PPP3CA: variants seen among roughly 807,000 people sequenced by gnomAD.
PPP3CA encodes protein phosphatase 3 catalytic subunit alpha, also known as CAM-PRP catalytic subunit.
In PPP3CA, 14 loss-of-function variants were observed where a neutral mutation model predicts 66.5. That is an observed-to-expected ratio of 0.21 (90% confidence interval 0.14 to 0.33). The LOEUF (loss-of-function observed/expected upper bound fraction) is 0.33, where lower values mean the gene tolerates loss of function less well. Among genes scored for constraint, PPP3CA ranks in the 10% least tolerant of loss-of-function variants. The pLI, the probability that PPP3CA is intolerant of heterozygous loss-of-function variation, is 1.00. For missense variants in PPP3CA, 317 were observed against 639.5 expected (o/e 0.50, Z 5.44); for synonymous variants, 232 against 226.2 (o/e 1.03, Z -0.23).
At chr4:101,129,760 C>T (rs1722367692) in intron 2 of PPP3CA, among the ~76,000 whole-genome samples, 1 of 152,080 alleles carries the variant, frequency 6.6e-6, no homozygotes, top group African/African-American at 2.4e-5. Flanking sequence ...CATCAAAGAC[C>T]AAAGGTAGAT....
At chr4:101,285,603 G>A (rs915262824) in intron 1 of PPP3CA, among the ~76,000 whole-genome samples, 3 of 47,606 alleles carry the variant, frequency 6.3e-5, no homozygotes, top group Admixed American at 2.7e-4. Flanking sequence ...GTGTGTATGT[G>A]TGTGTGTGTG....
At chr4:101,335,858 G>C (rs1190936524) in intron 1 of PPP3CA, among the ~76,000 whole-genome samples, 1 of 152,108 alleles carries the variant, frequency 6.6e-6, no homozygotes, top group African/African-American at 2.4e-5. Context: ...CCATTTTCAA[G>C]GGACTCCAAT....
intron 1 of PPP3CA, among the ~76,000 whole-genome samples, chr4:101,211,181 T>C (rs771342918): frequency 1.3e-5 from 2 of 151,656 alleles, no homozygotes; most frequent in Admixed American, 6.6e-5. Context: ...AGGGCTCACA[T>C]CAGGCCCCTG....
At chr4:101,293,835 A>G (rs1316743546) in intron 1 of PPP3CA, among the ~76,000 whole-genome samples, 1 of 152,158 alleles carries the variant, frequency 6.6e-6, no homozygotes, top group Non-Finnish European at 1.5e-5. Context: ...AGACTCCTAC[A>G]GCTTTGCTTT....
chr4:101,157,702 T>A (rs1723368003), intron 2 of PPP3CA, among the ~76,000 whole-genome samples: 1 of 152,140 alleles, frequency 6.6e-6, no homozygotes, highest in Admixed American at 6.5e-5. Context: ...TTGAAACCCA[T>A]CAAGAGAATG....
At chr4:101,032,808 GA>G (rs1414414738) in intron 11 of PPP3CA, among the ~76,000 whole-genome samples, 1 of 151,862 alleles carries the variant, frequency 6.6e-6, no homozygotes, top group East Asian at 1.9e-4. Context: ...TATGGAGATT[GA>G]AAAAAAATCT....
At chr4:101,278,149 T>TAAAAAAAAAAAAAAA (rs1200528599) in intron 1 of PPP3CA, among the ~76,000 whole-genome samples, 23 of 119,542 alleles carry the variant, frequency 1.9e-4, no homozygotes, top group African/African-American at 7.3e-4. Context: ...ATAAAAAAAT[T>TAAAAAAAAAAAAAAA]AAAAAGTTAT....
chr4:101,278,122 TAAAA>T (rs3077992), intron 1 of PPP3CA, among the ~76,000 whole-genome samples: 4 of 112,172 alleles, frequency 3.6e-5, no homozygotes, highest in African/African-American at 4.4e-5. Context: ...AAGCTATTAG[TAAAA>T]AAAAAAAAAA....
At chr4:101,340,936 G>A (rs1032922189) in intron 1 of PPP3CA, among the ~76,000 whole-genome samples, 10 of 152,134 alleles carry the variant, frequency 6.6e-5, no homozygotes, top group African/African-American at 2.4e-4. Flanking sequence ...TCTTTTGCAG[G>A]AGAGTATACT....
At chr4:101,108,868 T>C in intron 3 of PPP3CA, 86 bp downstream of exon 3, 1 of 1,321,884 alleles carries the variant, frequency 7.6e-7, no homozygotes, top group Non-Finnish European at 1.1e-6. Context: ...GAGGTTTCCA[T>C]AAGGCAATAA....
intron 13 of PPP3CA, among the ~76,000 whole-genome samples, chr4:101,027,914 A>G (rs762646393): frequency 4.6e-5 from 7 of 152,196 alleles, no homozygotes; most frequent in Non-Finnish European, 8.8e-5. Context: ...TTACATTGGT[A>G]GTATACTTAA....
intron 1 of PPP3CA, among the ~76,000 whole-genome samples, chr4:101,288,442 C>T (rs182390922): frequency 4.9e-4 from 74 of 151,888 alleles, no homozygotes; most frequent in Admixed American, 1.9e-3. Flanking sequence ...TAATTAATTA[C>T]TCTCAAGTTA....
chr4:101,209,720 T>C (rs1725243012), intron 1 of PPP3CA, among the ~76,000 whole-genome samples: 5 of 152,158 alleles, frequency 3.3e-5, no homozygotes. Context: ...AGGTCTACCA[T>C]CACTTTTGTA....
rs774503546 is a variant in PPP3CA, at chr4:101,346,790, C to T, written c.7G>A (p.Glu3Lys). The T allele has an allele frequency of 1.2e-6, 2 of 1,611,044 alleles. No homozygotes were observed. Among genetic ancestry groups the T allele is most frequent in the Non-Finnish European group, 1.7e-6 (2 of 1,179,036 alleles). Reference protein sequence around the residue: MSEPKAIDPKLST... With the variant: MSKPKAIDPKLST... ...AACTTGGGATCAATTGCCTTGGGCT[C>T]GGACATCTCCAGCTGCCGGAGGACA... is the stretch of plus-strand genomic sequence containing the variant. Residue 3 changes from glutamate to lysine, a missense_variant, in exon 1 of 14, where the codon GAG (glutamate) becomes AAG (lysine). This residue lies in a region of PPP3CA where 76 missense variants were observed against 99.5 expected (regional missense o/e 0.76). Coordinates refer to ENST00000394854, the MANE Select transcript of PPP3CA (RefSeq NM_000944.5).
chr4:101,203,139 T>C (rs1725020773), intron 1 of PPP3CA, among the ~76,000 whole-genome samples: 1 of 152,184 alleles, frequency 6.6e-6, no homozygotes, highest in African/African-American at 2.4e-5. Flanking sequence ...TACCCAGGAC[T>C]TTTTGAGATT....
chr4:101,187,018 T>C (rs541952232), intron 2 of PPP3CA, among the ~76,000 whole-genome samples: 2 of 152,254 alleles, frequency 1.3e-5, no homozygotes, highest in Admixed American at 1.3e-4. Context: ...CACCACTGAA[T>C]AGATAGAAAG....
intron 10 of PPP3CA, among the ~76,000 whole-genome samples, chr4:101,054,451 G>C (rs2110220247): frequency 6.6e-6 from 1 of 152,138 alleles, no homozygotes; most frequent in East Asian, 1.9e-4. Flanking sequence ...GGGGTGCCAA[G>C]GCATTTCTAC....
chr4:101,150,976 A>G (rs1475095541), intron 2 of PPP3CA, among the ~76,000 whole-genome samples: 1 of 152,200 alleles, frequency 6.6e-6, no homozygotes, highest in Non-Finnish European at 1.5e-5. Context: ...GTAATCCACA[A>G]AGGTCTATTG....
Position 101,099,596 on chromosome 4 carries a change from T to G in PPP3CA, c.496+15A>C. The G allele has an allele frequency of 6.8e-7, 1 of 1,464,730 alleles. No individual in the cohort carries two copies. The highest frequency in any genetic ancestry group is 9.4e-7 in the Non-Finnish European group (1 of 1,059,902). 90.7% of individuals were successfully genotyped at this position (1,464,730 alleles called of 1,614,324 possible). ...CACATATAGTGTTAAAGGAAGGAGG[T>G]TGAAGTATACTTACATTCTTGTTTA... is the stretch of plus-strand genomic sequence containing the variant. On this transcript the variant is annotated intron_variant, in intron 4 of 13. Transcript: ENST00000394854.
Sources: allele counts gnomAD v4.1 joint callset (sites outside exome capture counted in the v4.1 genomes callset), GRCh38; gene constraint gnomAD v4.1.1; regional missense constraint gnomAD v4.1.1; transcripts MANE v1.5; gene names NCBI Gene and HGNC (gene_info 2026-07-23, HGNC 2026-07-21).